The following VDAC1 variants were observed in gnomAD, a reference collection of about 807,000 sequenced individuals.
VDAC1 encodes the protein voltage dependent anion channel 1.
In VDAC1, 10 loss-of-function variants were observed where a neutral mutation model predicts 34.7. The ratio of observed to expected loss-of-function variants is 0.29; its 90% CI spans 0.18 to 0.49. The LOEUF is 0.49. Ranked by LOEUF, VDAC1 falls within the 20% of genes least tolerant of loss-of-function variation. The pLI, the probability that VDAC1 is intolerant of heterozygous loss-of-function variation, is 0.99. For synonymous variants in VDAC1, 130 were observed against 136.0 expected, an observed-to-expected ratio of 0.96 and a Z score of 0.30; for missense variants, 230 against 347.9, an observed-to-expected ratio of 0.66 and a Z score of 2.69.
intron 7 of VDAC1, among the ~76,000 whole-genome samples, chr5:133,975,369 TAAG>T (rs1223171024): frequency 2.0e-5 from 3 of 152,152 alleles, no homozygotes; most frequent in Non-Finnish European, 2.9e-5. Flanking sequence ...CTGGTACCCA[TAAG>T]AAGTACTAGT....
chr5:134,102,069 G>C, the VDAC1 span, among the ~76,000 whole-genome samples: 1 of 152,222 alleles, frequency 6.6e-6, no homozygotes, highest in African/African-American at 2.4e-5. Flanking sequence ...AGGCACAGGG[G>C]AGCGGTTTCC....
chr5:134,049,781 A>G, the VDAC1 span, among the ~76,000 whole-genome samples: 1 of 151,962 alleles, frequency 6.6e-6, no homozygotes, highest in Non-Finnish European at 1.5e-5. Flanking sequence ...GGGTTTAGCC[A>G]TGTTGGCCAG....
rs551787985 is a variant in VDAC1 at position 134,003,297 on chromosome 5, G to C, written c.-7+1598C>G. On this transcript the variant is annotated intron_variant, in intron 1 of 8. Transcript: ENST00000265333. ...AATGAAGGCTGGCCCTCGGTAGTCTGCTCTGGCCTTCTCCTGCCTCAGTGG... is the reference window on the plus strand; with the variant it reads ...AATGAAGGCTGGCCCTCGGTAGTCTCCTCTGGCCTTCTCCTGCCTCAGTGG... Among the ~76,000 whole-genome samples, 43 of 152,308 alleles carry C rather than the reference G, an allele frequency of 2.8e-4. No individual in the cohort carries two copies. The South Asian group carries it at 8.7e-3, about 31-fold the overall frequency.
upstream of VDAC1, among the ~76,000 whole-genome samples, chr5:134,006,288 C>T (rs1364878675): frequency 1.3e-5 from 2 of 152,110 alleles, no homozygotes; most frequent in African/African-American, 4.8e-5. Context: ...GACTGGTGGG[C>T]AGGGGGAGGA....
chr5:134,026,048 C>T, the VDAC1 span, among the ~76,000 whole-genome samples: 1 of 152,232 alleles, frequency 6.6e-6, no homozygotes, highest in East Asian at 1.9e-4. Context: ...CACGGGGAGT[C>T]ATTGCCGGGC....
intron 1 of VDAC1, among the ~76,000 whole-genome samples, chr5:134,001,516 A>C (rs1438411982): frequency 6.6e-6 from 1 of 152,002 alleles, no homozygotes; most frequent in Non-Finnish European, 1.5e-5. Context: ...GGAGTTCAAG[A>C]CCAACCTGGC....
the VDAC1 span, among the ~76,000 whole-genome samples, chr5:134,020,649 CTTTT>C: frequency 2.6e-4 from 35 of 133,842 alleles, no homozygotes; most frequent in Admixed American, 4.6e-4. Context: ...GAACAGGCTT[CTTTT>C]TTGTTTGTTT....
At chr5:134,026,350 C>T in the VDAC1 span, among the ~76,000 whole-genome samples, 1 of 151,862 alleles carries the variant, frequency 6.6e-6, no homozygotes, top group South Asian at 2.1e-4. Flanking sequence ...CCTGTCTCTA[C>T]TGAAAATACA....
chr5:133,992,637 G>A (rs1475773686), intron 2 of VDAC1, among the ~76,000 whole-genome samples: 6 of 152,242 alleles, frequency 3.9e-5, no homozygotes, highest in Admixed American at 6.5e-5. Context: ...ACTGGGCCTC[G>A]TGGGCATGTG....
the VDAC1 span, among the ~76,000 whole-genome samples, chr5:134,086,353 T>C: frequency 2.0e-5 from 3 of 152,138 alleles, no homozygotes; most frequent in Non-Finnish European, 4.4e-5. Flanking sequence ...CTTGGGAGAT[T>C]GCAAATATTT....
At chr5:134,032,144 A>AAAAAAAAAAAAAAACC in the VDAC1 span, among the ~76,000 whole-genome samples, 1 of 146,358 alleles carries the variant, frequency 6.8e-6, no homozygotes, top group South Asian at 2.4e-4. Context: ...AAAAAAAAAA[A>AAAAAAAAAAAAAAACC]GCTACTCTGC....
At chr5:134,009,247 CTTTTTTTT>C (rs869155174), upstream of VDAC1, among the ~76,000 whole-genome samples, 3 of 87,070 alleles carry the variant, frequency 3.4e-5, no homozygotes, top group African/African-American at 9.3e-5. Context: ...TTTATCAATT[CTTTTTTTT>C]TTTTTTTTTT....
chr5:133,999,807 T>TA (rs1375728667), intron 1 of VDAC1, among the ~76,000 whole-genome samples: 1 of 152,190 alleles, frequency 6.6e-6, no homozygotes, highest in Non-Finnish European at 1.5e-5. Flanking sequence ...GCAAAGACGC[T>TA]AACCAACAGA....
intron 8 of VDAC1, 54 bp from the exon 9 acceptor site, chr5:133,972,916 G>T (rs1752352779): frequency 1.4e-6 from 2 of 1,462,922 alleles, no homozygotes; most frequent in South Asian, 2.3e-5. Flanking sequence ...GGAAAGAAAT[G>T]ACAAGAAAGA....
the VDAC1 span, among the ~76,000 whole-genome samples, chr5:134,091,479 C>T: frequency 1.3e-5 from 2 of 152,028 alleles, no homozygotes; most frequent in African/African-American, 2.4e-5. Context: ...GGATGTCGAT[C>T]GATGGGGACA....
chr5:133,981,564 G>C (rs993651336), intron 5 of VDAC1, among the ~76,000 whole-genome samples: 1 of 152,108 alleles, frequency 6.6e-6, no homozygotes, highest in Non-Finnish European at 1.5e-5. Context: ...CAGTCATGGG[G>C]GCCAGGAAGT....
intron 1 of VDAC1, among the ~76,000 whole-genome samples, chr5:133,996,052 C>G (rs144892350): frequency 6.6e-6 from 1 of 152,174 alleles, no homozygotes; most frequent in Non-Finnish European, 1.5e-5. Flanking sequence ...CTAGAGGCTG[C>G]GCATGAAGCA....
At chr5:134,100,712 A>G in the VDAC1 span, among the ~76,000 whole-genome samples, 1 of 151,910 alleles carries the variant, frequency 6.6e-6, no homozygotes, top group Non-Finnish European at 1.5e-5. Flanking sequence ...TCTCTGTTTC[A>G]CTCCTTTAAA....
the VDAC1 span, among the ~76,000 whole-genome samples, chr5:134,099,189 A>G: frequency 1.3e-5 from 2 of 152,154 alleles, no homozygotes; most frequent in South Asian, 4.1e-4. Flanking sequence ...CAGACTCTTA[A>G]AAGTAGGGCT....
Sources: allele counts gnomAD v4.1 joint callset (sites outside exome capture counted in the v4.1 genomes callset), GRCh38; gene constraint gnomAD v4.1.1; transcripts MANE v1.5; gene names NCBI Gene and HGNC (gene_info 2026-07-23, HGNC 2026-07-21).